SI: variants seen among roughly 807,000 people sequenced by gnomAD.
SI encodes the protein sucrase-isomaltase.
Under a neutral mutation model 253.3 loss-of-function variants are expected in SI, and 235 were observed. That is an observed-to-expected ratio of 0.93 (90% CI 0.83 to 1.03). The LOEUF (loss-of-function observed/expected upper bound fraction) is 1.03. Among genes scored for constraint, SI ranks in the 50% least tolerant of loss-of-function variants. SI has a pLI of 0.00. For missense variants in SI, 2,442 were observed against 2,211.1 expected (o/e 1.10, Z -2.09); for synonymous variants, 819 against 712.0 (o/e 1.15, Z -2.39).
chr3:165,061,406 T>C (rs1713980519), intron 9 of SI, among the ~76,000 whole-genome samples: 1 of 151,984 alleles, frequency 6.6e-6, no homozygotes, highest in Admixed American at 6.6e-5. Context: ...TACTGTAAAC[T>C]TTCTGCGCTT....
chr3:165,016,149 T>C (rs1719016910), intron 31 of SI, 69 bp from the exon 32 acceptor site: 5 of 1,381,092 alleles, frequency 3.6e-6, no homozygotes, highest in African/African-American at 1.4e-5. Flanking sequence ...TATTTTATCA[T>C]ACTTATAAAA....
At chr3:165,018,853 C>T (rs1719170070) in intron 28 of SI, among the ~76,000 whole-genome samples, 1 of 151,450 alleles carries the variant, frequency 6.6e-6, no homozygotes, top group Non-Finnish European at 1.5e-5. Context: ...CCTTCAATAA[C>T]CTAAGTTTGG....
chr3:165,065,633 T>G (rs542929809), intron 6 of SI, among the ~76,000 whole-genome samples: 1 of 150,816 alleles, frequency 6.6e-6, no homozygotes, highest in African/African-American at 2.4e-5. Context: ...ATCAACACAA[T>G]TTTTGCCAAT....
In SI at chr3:164,979,038, TA is replaced by T. The variant is rs1260943564; in HGVS notation, c.*323del. 3.5e-5 allele frequency: 6 copies of T among 171,760 alleles called. No individual in the cohort carries two copies. The highest frequency in any genetic ancestry group is 7.4e-5 in the Non-Finnish European group (6 of 81,186). 10.6% of individuals were successfully genotyped at this position (171,760 alleles called of 1,614,324 possible). ...AGTATATATAATTACATAAAAATTT[TA>T]TTTAATTTAAAAATCACGTTTAAAT... On this transcript the variant is annotated 3_prime_UTR_variant, in exon 48 of 48. Coordinates refer to ENST00000264382, the MANE Select transcript of SI (RefSeq NM_001041.4).
intron 33 of SI, among the ~76,000 whole-genome samples, chr3:165,014,417 T>A (rs577035461): frequency 1.3e-5 from 2 of 152,054 alleles, no homozygotes; most frequent in East Asian, 3.9e-4. Flanking sequence ...CCCTTCTAAT[T>A]TTTTTGTATT....
chr3:165,032,607 G>C lies in SI; in HGVS notation c.2651C>G (p.Thr884Arg), dbSNP rs141329406. 5 of 1,608,464 alleles carry C rather than the reference G, an allele frequency of 3.1e-6. No homozygotes were observed. The African/African-American group carries it at 4.0e-5, about 13-fold the overall frequency. The change falls in exon 24 of 48, where the codon ACA becomes AGA. Residue 884 changes from threonine to arginine, a missense_variant. By Grantham distance (71) the Thr-to-Arg change is moderately conservative (BLOSUM62 -1). Transcript: ENST00000264382. ...CACTCTAACTTCTGTAACACTGTCT[G>C]TCAACCCAAGGATTTTTACAGTCTG... ...AFQTVKILGL[T>R]DSVTEVRVAE...
At chr3:165,036,595 T>C (rs771380089) in intron 21 of SI, 118 bp from the exon 22 acceptor site, 2 of 641,648 alleles carry the variant, frequency 3.1e-6, no homozygotes, top group South Asian at 1.8e-5. Context: ...AGTAAGGACA[T>C]TGACATCAAT....
At chr3:165,057,381 T>C (rs1358279927) in intron 12 of SI, among the ~76,000 whole-genome samples, 1 of 151,710 alleles carries the variant, frequency 6.6e-6, no homozygotes, top group Non-Finnish European at 1.5e-5. Flanking sequence ...TTATTGGCCT[T>C]AAAGAGGAAG....
chr3:165,049,468 T>A (rs536028155), intron 14 of SI, among the ~76,000 whole-genome samples: 1 of 152,142 alleles, frequency 6.6e-6, no homozygotes, highest in Non-Finnish European at 1.5e-5. Context: ...TATATTTACA[T>A]TGGCAAATAC....
intron 41 of SI, among the ~76,000 whole-genome samples, chr3:164,993,925 G>T (rs924992909): frequency 6.6e-6 from 1 of 151,508 alleles, no homozygotes; most frequent in African/African-American, 2.4e-5. Context: ...ATCATGAGGG[G>T]CATTACTTAT....
chr3:165,021,168 A>T, intron 27 of SI, 61 bp downstream of exon 27: 1 of 1,453,408 alleles, frequency 6.9e-7, no homozygotes, highest in Non-Finnish European at 9.7e-7. Flanking sequence ...TAATCATTTT[A>T]CTTTTCCCTT....
intron 37 of SI, among the ~76,000 whole-genome samples, chr3:165,002,938 T>C (rs1477366542): frequency 6.6e-6 from 1 of 151,824 alleles, no homozygotes; most frequent in Non-Finnish European, 1.5e-5. Flanking sequence ...TAAGTATATG[T>C]ATATTGATTT....
chr3:165,024,896 T>C (rs1711823825), intron 25 of SI, among the ~76,000 whole-genome samples: 1 of 151,208 alleles, frequency 6.6e-6, no homozygotes, highest in Admixed American at 6.6e-5. Flanking sequence ...CATCTAATGT[T>C]TGCATGTTAA....
chr3:165,030,990 C>G lies in SI; in HGVS notation c.2737-123G>C, dbSNP rs569780047. On this transcript the variant is annotated intron_variant, in intron 24 of 47. Transcript: ENST00000264382. ...ACATTTTACATTTCACAAAATGTGGCAACGAGGGCAATTCTTCAAATTAAA... is the reference window on the plus strand; with the variant it reads ...ACATTTTACATTTCACAAAATGTGGGAACGAGGGCAATTCTTCAAATTAAA... 86 of 1,323,686 alleles carry G rather than the reference C, an allele frequency of 6.5e-5. No individual in the cohort carries two copies. In the Admixed American group the frequency reaches 2.0e-3, roughly 31 times the overall value. The allele number at this position is 1,323,686 out of a possible 1,614,324, so 82.0% of individuals were successfully genotyped here.
the SI span, among the ~76,000 whole-genome samples, chr3:165,087,602 T>A: frequency 6.6e-6 from 1 of 152,116 alleles, no homozygotes; most frequent in Non-Finnish European, 1.5e-5. Flanking sequence ...GTTTAGCTCC[T>A]AACTAGAGTG....
intron 44 of SI, among the ~76,000 whole-genome samples, chr3:164,991,123 C>T (rs1038738404): frequency 2.6e-5 from 4 of 152,084 alleles, no homozygotes; most frequent in Admixed American, 2.6e-4. Context: ...TCCATGTCAT[C>T]CCCATGGGAC....
intron 41 of SI, among the ~76,000 whole-genome samples, chr3:164,993,790 A>T (rs1338660798): frequency 6.6e-6 from 1 of 151,822 alleles, no homozygotes; most frequent in East Asian, 1.9e-4. Context: ...CAAATTTATA[A>T]GGATAATGTT....
At chr3:165,082,920 A>C (rs2086740272), upstream of SI, among the ~76,000 whole-genome samples, 1 of 151,954 alleles carries the variant, frequency 6.6e-6, no homozygotes, top group Admixed American at 6.6e-5. Context: ...GTGGCTATAG[A>C]GGCTAGAGAA....
chr3:165,051,794 A>C (rs9758713), intron 13 of SI, among the ~76,000 whole-genome samples: 90,963 of 151,696 alleles, frequency 0.6, 27,470 homozygotes, highest in East Asian at 0.81. Flanking sequence ...TCTTTCATCA[A>C]TGAAAGTAAA....
Sources: gnomAD v4.1 joint callset for allele counts (sites outside exome capture counted in the v4.1 genomes callset) on GRCh38, gnomAD v4.1.1 for gene constraint, MANE v1.5 for transcripts, NCBI Gene and HGNC (gene_info 2026-07-23, HGNC 2026-07-21) for gene names.